Variants in NT5DC1 observed in about 807,000 individuals in gnomAD.
The protein encoded by NT5DC1 is 5'-nucleotidase domain-containing protein 1.
A neutral mutation model predicts 59.4 loss-of-function variants in NT5DC1; 42 were observed. That is an observed-to-expected ratio of 0.71 (90% confidence interval 0.55 to 0.92). The LOEUF (loss-of-function observed/expected upper bound fraction) is 0.92, where lower values mean the gene tolerates loss of function less well. Among genes scored for constraint, NT5DC1 ranks in the 40% least tolerant of loss-of-function variants. The pLI, the probability that NT5DC1 is intolerant of heterozygous loss-of-function variation, is 0.00. For missense variants in NT5DC1, 501 were observed against 537.1 expected (o/e 0.93, Z 0.66); for synonymous variants, 172 against 188.1 (o/e 0.91, Z 0.70).
At chr6:116,105,246 C>T (rs563533671) in intron 1 of NT5DC1, among the ~76,000 whole-genome samples, 17 of 152,262 alleles carry the variant, frequency 1.1e-4, no homozygotes, top group African/African-American at 3.9e-4. Flanking sequence ...TGAGTTGCCC[C>T]CCATTCCCTC....
intron 6 of NT5DC1, among the ~76,000 whole-genome samples, chr6:116,163,700 C>T (rs1193938945): frequency 6.6e-6 from 1 of 151,986 alleles, no homozygotes; most frequent in African/African-American, 2.4e-5. Context: ...TTGTTAGGTA[C>T]ATCATTTGGT....
intron 6 of NT5DC1, chr6:116,137,555 C>T (rs1779641958): frequency 4.7e-6 from 1 of 214,264 alleles, no homozygotes; most frequent in Non-Finnish European, 9.9e-6. Flanking sequence ...CATGGGTCTC[C>T]TCTTTAGTCA....
At position 116,188,638 on chromosome 6, in the gene NT5DC1, G is replaced by A. The variant is rs182642703; in HGVS notation, c.530-32416G>A. Among the ~76,000 whole-genome samples the A allele has an allele frequency of 7.3e-5, 11 of 151,420 alleles. No homozygotes were observed. The East Asian group carries it at 2.1e-3, about 30-fold the overall frequency. ...GCCAGAAAAGTAAGGATGTACCATAGATATGAGGATAGCAATTACCTTTCA... is the reference window on the plus strand; with the variant it reads ...GCCAGAAAAGTAAGGATGTACCATAAATATGAGGATAGCAATTACCTTTCA... On this transcript the variant is annotated intron_variant, in intron 6 of 11. Coordinates refer to ENST00000319550, the MANE Select transcript of NT5DC1 (RefSeq NM_152729.3).
chr6:116,128,814 G>C lies in NT5DC1; in HGVS notation c.529+10869G>C, dbSNP rs142799498. ...TTCATGAAGCTCCTCAGGTGATCAT[G>C]ATGGCCTCCTAAGTTAGAATGTATA... On this transcript the variant is annotated intron_variant, in intron 6 of 11. Coordinates refer to ENST00000319550, the MANE Select transcript of NT5DC1 (RefSeq NM_152729.3). 2.6e-3 allele frequency among the ~76,000 whole-genome samples: 403 copies of C among 152,280 alleles called. 11 individuals are homozygous for C. In the South Asian group the frequency reaches 0.044, roughly 17 times the overall value.
At position 116,105,442 on chromosome 6, in the gene NT5DC1, A is replaced by G. The variant is rs1582802979; in HGVS notation, c.94-802A>G. Among the ~76,000 whole-genome samples, 5 of 152,330 alleles carry G rather than the reference A, an allele frequency of 3.3e-5. No individual in the cohort carries two copies. In the East Asian group the frequency reaches 9.6e-4, roughly 29 times the overall value. On this transcript the variant is annotated intron_variant, in intron 1 of 11. Transcript: ENST00000319550. The stretch of plus-strand genomic sequence containing the variant: ...CAGTGTGTCCTTTTGGACACTGTGC[A>G]GGTTGACTCAGACAACTGTTCTGCT...
chr6:116,194,697 A>G (rs1487138227), intron 6 of NT5DC1, among the ~76,000 whole-genome samples: 1 of 152,098 alleles, frequency 6.6e-6, no homozygotes, highest in African/African-American at 2.4e-5. Flanking sequence ...ACTAAGAACT[A>G]CAAGTATAAT....
chr6:116,136,679 C>T (rs1779613307), intron 6 of NT5DC1, among the ~76,000 whole-genome samples: 1 of 152,056 alleles, frequency 6.6e-6, no homozygotes, highest in Admixed American at 6.6e-5. Flanking sequence ...ATCTATCTTT[C>T]ATATTAATAA....
chr6:116,238,817 A>G, intron 10 of NT5DC1, 138 bp from the exon 11 acceptor site: 1 of 581,794 alleles, frequency 1.7e-6, no homozygotes. Flanking sequence ...TTCCTGTTCC[A>G]AAAATTTAAT....
rs1161108730 is a variant in NT5DC1 at position 116,248,828 on chromosome 6, G to C, written c.*4804G>C. 1 of 152,222 alleles carries C rather than the reference G, an allele frequency of 6.6e-6. No homozygotes were observed. The highest frequency in any genetic ancestry group is 1.9e-4 in the East Asian group (1 of 5,200). The allele number at this position is 152,222 out of a possible 1,614,324, so 9.4% of individuals were successfully genotyped here. On this transcript the variant is annotated 3_prime_UTR_variant, in exon 12 of 12. Coordinates refer to ENST00000319550, the MANE Select transcript of NT5DC1 (RefSeq NM_152729.3). ...AGAAATGGAGCAGGGCTATAGCAGT[G>C]AACCAATTGGTTGGTAAGTGAAACC... is the stretch of plus-strand genomic sequence containing the variant.
chr6:116,155,287 G>A (rs1780157901), intron 6 of NT5DC1, among the ~76,000 whole-genome samples: 1 of 152,086 alleles, frequency 6.6e-6, no homozygotes, highest in South Asian at 2.1e-4. Context: ...CCAGATATCT[G>A]GGATAATCTG....
chr6:116,217,794 A>G (rs1781715336), intron 6 of NT5DC1, among the ~76,000 whole-genome samples: 1 of 152,080 alleles, frequency 6.6e-6, no homozygotes, highest in Non-Finnish European at 1.5e-5. Flanking sequence ...AGAAGTTTAT[A>G]GTTTCTTTGG....
At chr6:116,144,069 A>G (rs1562136778) in intron 6 of NT5DC1, among the ~76,000 whole-genome samples, 1 of 152,174 alleles carries the variant, frequency 6.6e-6, no homozygotes, top group Non-Finnish European at 1.5e-5. Context: ...ATATTTTTAT[A>G]ATGAGGATAT....
At chr6:116,221,545 AT>A (rs1202342935) in intron 7 of NT5DC1, among the ~76,000 whole-genome samples, 8 of 152,126 alleles carry the variant, frequency 5.3e-5, no homozygotes, top group African/African-American at 1.9e-4. Context: ...TTGGACGATG[AT>A]TGAGGGACTC....
At chr6:116,112,020 A>G (rs1045623473) in intron 4 of NT5DC1, among the ~76,000 whole-genome samples, 1 of 152,220 alleles carries the variant, frequency 6.6e-6, no homozygotes, top group African/African-American at 2.4e-5. Flanking sequence ...TTTATTAAGA[A>G]TCCAGAGTAT....
At chr6:116,204,210 A>G (rs1781401234) in intron 6 of NT5DC1, among the ~76,000 whole-genome samples, 1 of 151,918 alleles carries the variant, frequency 6.6e-6, no homozygotes. Flanking sequence ...GTGCTCTCAG[A>G]GTGTGTTTGT....
intron 6 of NT5DC1, among the ~76,000 whole-genome samples, chr6:116,166,041 G>T (rs1780454983): frequency 1.3e-5 from 2 of 152,144 alleles, no homozygotes; most frequent in Admixed American, 1.3e-4. Flanking sequence ...CATTGCCTGG[G>T]GTCATGAAGG....
chr6:116,187,391 G>GCCATTT lies in NT5DC1; in HGVS notation c.530-33659_530-33658insTTCCAT, dbSNP rs1781023840. 2.0e-5 allele frequency among the ~76,000 whole-genome samples: 3 copies of GCCATTT among 152,194 alleles called. No individual in the cohort carries two copies. The South Asian group carries it at 6.2e-4, about 32-fold the overall frequency. ...CACAATTTATATGGAAATGAAAAGG[G>GCCATTT]CCATGAAGAGCCAAGACACTCATGA... On this transcript the variant is annotated intron_variant, in intron 6 of 11. Coordinates refer to ENST00000319550, the MANE Select transcript of NT5DC1 (RefSeq NM_152729.3).
At chr6:116,213,540 A>G (rs1255252294) in intron 6 of NT5DC1, among the ~76,000 whole-genome samples, 1 of 152,132 alleles carries the variant, frequency 6.6e-6, no homozygotes, top group Non-Finnish European at 1.5e-5. Context: ...ATATAAAAGA[A>G]TGGAACAATT....
At chr6:116,188,690 T>C (rs936182314) in intron 6 of NT5DC1, among the ~76,000 whole-genome samples, 1 of 141,424 alleles carries the variant, frequency 7.1e-6, no homozygotes, top group East Asian at 2.0e-4. Context: ...ACTTCTGGTA[T>C]CCTGGAAATT....
Sources: gnomAD v4.1 joint callset for allele counts (sites outside exome capture counted in the v4.1 genomes callset) on GRCh38, gnomAD v4.1.1 for gene constraint, MANE v1.5 for transcripts, NCBI Gene and HGNC (gene_info 2026-07-23, HGNC 2026-07-21) for gene names.